PDGFC: variants seen among roughly 807,000 people sequenced by gnomAD.
The protein encoded by PDGFC is platelet-derived growth factor C.
PDGFC carries 12 observed loss-of-function variants against 35.5 expected under a neutral mutation model. That is an observed-to-expected ratio of 0.34 (90% CI 0.22 to 0.55). The LOEUF is 0.55. PDGFC is among the 20% of genes least tolerant of loss of function. The probability of loss-of-function intolerance (pLI) is 0.91; values close to 1 mark genes in which losing one functional copy is unlikely to be tolerated. For missense variants in PDGFC, 322 were observed against 412.4 expected (o/e 0.78, Z 1.90); for synonymous variants, 159 against 148.8 (o/e 1.07, Z -0.50).
chr4:156,833,330 T>C (rs1728989050), intron 2 of PDGFC, among the ~76,000 whole-genome samples: 1 of 152,218 alleles, frequency 6.6e-6, no homozygotes, highest in Non-Finnish European at 1.5e-5. Context: ...GGATATTCAA[T>C]AAGCACGTAT....
In PDGFC at chr4:156,762,112, A is replaced by G. The variant is rs778877737; in HGVS notation, c.*978T>C. 6.6e-6 allele frequency: 1 copy of G among 152,642 alleles called. No homozygotes were observed. Among genetic ancestry groups the G allele is most frequent in the Non-Finnish European group, 1.5e-5 (1 of 68,042 alleles). The allele number at this position is 152,642 out of a possible 1,614,324, so 9.5% of individuals were successfully genotyped here. On this transcript the variant is annotated 3_prime_UTR_variant, in exon 6 of 6. Transcript: ENST00000502773. ...TTTGCAACTTACCAATTCTATTCCA[A>G]TTCAGTTTTTTAAAATGCAGATTAA...
chr4:156,909,217 TA>T (rs2110797846), intron 1 of PDGFC, among the ~76,000 whole-genome samples: 1 of 152,278 alleles, frequency 6.6e-6, no homozygotes, highest in East Asian at 1.9e-4. Flanking sequence ...AAAAACAATG[TA>T]ATTGGATACT....
At chr4:156,938,686 G>T (rs1176275675) in intron 1 of PDGFC, among the ~76,000 whole-genome samples, 3 of 151,772 alleles carry the variant, frequency 2.0e-5, no homozygotes, top group African/African-American at 7.3e-5. Flanking sequence ...GTTATAAAAA[G>T]CTGTGTAAGA....
chr4:156,795,459 C>G (rs1007858962), intron 3 of PDGFC, among the ~76,000 whole-genome samples: 1 of 152,012 alleles, frequency 6.6e-6, no homozygotes, highest in Non-Finnish European at 1.5e-5. Context: ...AAATACAACA[C>G]AACTCCAGTT....
At chr4:156,966,400 G>A (rs891174939) in intron 1 of PDGFC, among the ~76,000 whole-genome samples, 5 of 151,972 alleles carry the variant, frequency 3.3e-5, no homozygotes, top group Admixed American at 6.6e-5. Flanking sequence ...TACCATTTTG[G>A]TTGATACAAA....
At chr4:156,827,588 T>C (rs1033473237) in intron 2 of PDGFC, among the ~76,000 whole-genome samples, 3 of 152,098 alleles carry the variant, frequency 2.0e-5, no homozygotes, top group Non-Finnish European at 2.9e-5. Flanking sequence ...CTAAATCCAA[T>C]GGTCCTGTGG....
chr4:156,783,414 G>A (rs1579005714), intron 3 of PDGFC, among the ~76,000 whole-genome samples: 2 of 152,060 alleles, frequency 1.3e-5, no homozygotes. Flanking sequence ...GGGAGAAGGG[G>A]GTGTGCAGAC....
At chr4:156,844,946 GAAC>G (rs1205884273) in intron 2 of PDGFC, among the ~76,000 whole-genome samples, 1 of 151,874 alleles carries the variant, frequency 6.6e-6, no homozygotes, top group Admixed American at 6.6e-5. Flanking sequence ...GATGTAATAG[GAAC>G]ATAAATACAC....
chr4:156,915,852 C>T (rs1054476455), intron 1 of PDGFC, among the ~76,000 whole-genome samples: 1 of 152,054 alleles, frequency 6.6e-6, no homozygotes, highest in African/African-American at 2.4e-5. Flanking sequence ...GTATTTAAGA[C>T]AGTCTTTTGC....
At chr4:156,918,512 C>G (rs2110831372) in intron 1 of PDGFC, among the ~76,000 whole-genome samples, 1 of 152,312 alleles carries the variant, frequency 6.6e-6, no homozygotes, top group Non-Finnish European at 1.5e-5. Flanking sequence ...CTGGGCCACA[C>G]AGCAGGAGGT....
chr4:156,903,102 A>T (rs866126166), intron 1 of PDGFC, among the ~76,000 whole-genome samples: 205 of 88,310 alleles, frequency 2.3e-3, no homozygotes, highest in Non-Finnish European at 2.8e-3. Context: ...AGAGAGAGAG[A>T]GAGTGTGTGT....
intron 2 of PDGFC, among the ~76,000 whole-genome samples, chr4:156,819,524 A>G (rs1344160767): frequency 1.3e-5 from 2 of 152,220 alleles, no homozygotes; most frequent in African/African-American, 2.4e-5. Context: ...ATGATGGCAC[A>G]TTTGTTTACA....
In PDGFC at chr4:156,935,897, G is replaced by A. The variant is rs925547756; in HGVS notation, c.118+34889C>T. On this transcript the variant is annotated intron_variant, in intron 1 of 5. Coordinates refer to ENST00000502773, the MANE Select transcript of PDGFC (RefSeq NM_016205.3). ...AATTATACAAGGTCCCTGCCCTCAA[G>A]GAAATTAAAATGTCAAGTACACATT... Among the ~76,000 whole-genome samples, 46 of 152,148 alleles carry A rather than the reference G, an allele frequency of 3.0e-4. 3 individuals are homozygous for A. Among genetic ancestry groups the A allele is most frequent in the Non-Finnish European group, 5.9e-5 (4 of 68,006 alleles).
At chr4:156,859,754 G>A (rs1300488502) in intron 1 of PDGFC, among the ~76,000 whole-genome samples, 1 of 152,134 alleles carries the variant, frequency 6.6e-6, no homozygotes, top group Admixed American at 6.5e-5. Context: ...TAATAAGAAA[G>A]CTTGGATAGT....
intron 3 of PDGFC, among the ~76,000 whole-genome samples, chr4:156,800,866 T>C (rs1249766497): frequency 1.3e-5 from 2 of 152,122 alleles, no homozygotes; most frequent in South Asian, 2.1e-4. Flanking sequence ...AAGCTAACTT[T>C]GGGAGAAATT....
chr4:156,823,403 A>C lies in PDGFC; in HGVS notation c.315-12386T>G, dbSNP rs546385660. 1.8e-4 allele frequency among the ~76,000 whole-genome samples: 27 copies of C among 152,376 alleles called. 1 individual carries two copies. Among genetic ancestry groups the C allele is most frequent in the Admixed American group, 1.3e-3 (20 of 15,312 alleles). On this transcript the variant is annotated intron_variant, in intron 2 of 5. Transcript: ENST00000502773. ...GAGGGAGAATGTATATAAAGTGTTTAGCATAGTGCCTAGCAATAAGTTACT... is the reference window on the plus strand; with the variant it reads ...GAGGGAGAATGTATATAAAGTGTTTCGCATAGTGCCTAGCAATAAGTTACT...
rs72974664 is a variant in PDGFC, at chr4:156,792,029, A to C, written c.495+18808T>G. ...TTCAAAGAGATCAACAGGGATATTT[A>C]AAAAGCAATTTCACCATGGTTAACA... On this transcript the variant is annotated intron_variant, in intron 3 of 5. Transcript: ENST00000502773. Among the ~76,000 whole-genome samples the C allele has an allele frequency of 6.9e-3, 1,051 of 152,338 alleles. 14 individuals carry two copies. The highest frequency in any genetic ancestry group is 0.024 in the African/African-American group (982 of 41,574).
At chr4:156,777,530 GAC>G (rs1730861573) in intron 3 of PDGFC, among the ~76,000 whole-genome samples, 1 of 152,126 alleles carries the variant, frequency 6.6e-6, no homozygotes, top group African/African-American at 2.4e-5. Context: ...ACCATCTGAA[GAC>G]ACAGGAAGAA....
At chr4:156,954,395 A>G (rs1415912520) in intron 1 of PDGFC, among the ~76,000 whole-genome samples, 1 of 152,028 alleles carries the variant, frequency 6.6e-6, no homozygotes, top group African/African-American at 2.4e-5. Flanking sequence ...CACAGTTGTC[A>G]ATCTCAAAAC....
Sources: gnomAD v4.1 joint callset for allele counts (sites outside exome capture counted in the v4.1 genomes callset) on GRCh38, gnomAD v4.1.1 for gene constraint, MANE v1.5 for transcripts, NCBI Gene and HGNC (gene_info 2026-07-23, HGNC 2026-07-21) for gene names.